Variants in RHBDD1 observed in about 807,000 individuals in gnomAD.
The protein encoded by RHBDD1 is rhomboid domain containing 1, also known as rhomboid-related protein 4.
In RHBDD1, 38 loss-of-function variants were observed where a neutral mutation model predicts 36.3. The ratio of observed to expected loss-of-function variants is 1.05; its 90% CI spans 0.81 to 1.37. The LOEUF is 1.37. Among genes scored for constraint, RHBDD1 ranks in the 40% most tolerant of loss-of-function variants. The pLI is 0.00. For synonymous variants in RHBDD1, 151 were observed against 136.5 expected, an observed-to-expected ratio of 1.11 and a Z score of -0.74; for missense variants, 393 against 377.6, an observed-to-expected ratio of 1.04 and a Z score of -0.34.
the RHBDD1 span, among the ~76,000 whole-genome samples, chr2:226,814,170 G>A: frequency 2.0e-5 from 3 of 152,130 alleles, no homozygotes; most frequent in South Asian, 2.1e-4. Flanking sequence ...ATGTGGACTC[G>A]AGTAAAGTGA....
chr2:226,866,748 T>C (rs1464720638), intron 4 of RHBDD1, among the ~76,000 whole-genome samples: 1 of 152,240 alleles, frequency 6.6e-6, no homozygotes, highest in Non-Finnish European at 1.5e-5. Flanking sequence ...CCTTCCAAGA[T>C]GTATCCTTAT....
At chr2:226,944,516 G>A (rs564786890) in intron 8 of RHBDD1, among the ~76,000 whole-genome samples, 1 of 152,256 alleles carries the variant, frequency 6.6e-6, no homozygotes, top group South Asian at 2.1e-4. Flanking sequence ...CGAGACTTGT[G>A]TTCTGAAAAG....
chr2:226,806,342 C>T, the RHBDD1 span, among the ~76,000 whole-genome samples: 1 of 150,744 alleles, frequency 6.6e-6, no homozygotes, highest in African/African-American at 2.4e-5. Context: ...TGTGTCCCAC[C>T]TCTGATCCTT....
At chr2:226,948,746 CCT>C (rs1951205209) in intron 8 of RHBDD1, among the ~76,000 whole-genome samples, 1 of 151,980 alleles carries the variant, frequency 6.6e-6, no homozygotes, top group South Asian at 2.1e-4. Flanking sequence ...ACAAGGTTGC[CCT>C]CTCTCACCAC....
chr2:226,869,216 G>A (rs1944583027), intron 5 of RHBDD1: 2 of 981,056 alleles, frequency 2.0e-6, no homozygotes, highest in African/African-American at 3.5e-5. Context: ...GGAGGCACCG[G>A]TAATTCTGAG....
chr2:226,954,548 A>C (rs1048058419), intron 8 of RHBDD1, among the ~76,000 whole-genome samples: 1 of 152,162 alleles, frequency 6.6e-6, no homozygotes, highest in African/African-American at 2.4e-5. Flanking sequence ...TGTTCTTTCA[A>C]CTTTTCATCT....
chr2:226,835,854 G>A (rs927114248), upstream of RHBDD1: 3 of 152,476 alleles, frequency 2.0e-5, no homozygotes, highest in African/African-American at 4.8e-5. Context: ...CTCTGCCGCG[G>A]TCCTGCCCCG....
chr2:226,811,081 T>C, the RHBDD1 span: 1 of 152,190 alleles, frequency 6.6e-6, no homozygotes, highest in Non-Finnish European at 1.5e-5. Context: ...GGTTTATTTG[T>C]TGATAACTGA....
At chr2:226,941,124 T>C (rs1454872318) in intron 8 of RHBDD1, among the ~76,000 whole-genome samples, 1 of 151,994 alleles carries the variant, frequency 6.6e-6, no homozygotes, top group Non-Finnish European at 1.5e-5. Flanking sequence ...GCTTTTTTGT[T>C]GTTGTTTGTT....
rs1234661700 is a variant in RHBDD1, at chr2:226,973,089, G to T, written c.857-22342G>T. Reference sequence around the variant, plus strand: ...CCTGTGGCTGCCATCCTTCCTCACAGAAGTTCCTCCCTGGACTTCAGCCTC... The same window carrying T: ...CCTGTGGCTGCCATCCTTCCTCACATAAGTTCCTCCCTGGACTTCAGCCTC... On this transcript the variant is annotated intron_variant, in intron 8 of 8. Transcript: ENST00000392062. 6.6e-5 allele frequency among the ~76,000 whole-genome samples: 10 copies of T among 152,180 alleles called. No individual in the cohort carries two copies. The East Asian group carries it at 1.7e-3, about 26-fold the overall frequency.
intron 8 of RHBDD1, among the ~76,000 whole-genome samples, chr2:226,918,431 ATT>A (rs1949074614): frequency 6.6e-6 from 1 of 151,886 alleles, no homozygotes. Context: ...CATTCTAATT[ATT>A]TTTTGTACCC....
At chr2:226,959,525 C>T (rs56103691) in intron 8 of RHBDD1, among the ~76,000 whole-genome samples, 1 of 152,164 alleles carries the variant, frequency 6.6e-6, no homozygotes, top group South Asian at 2.1e-4. Flanking sequence ...TTTTTGTTGT[C>T]TGAGTTAATT....
intron 8 of RHBDD1, among the ~76,000 whole-genome samples, chr2:226,922,975 T>C (rs980625680): frequency 3.3e-5 from 5 of 152,202 alleles, no homozygotes; most frequent in Admixed American, 3.3e-4. Flanking sequence ...TATTATACTG[T>C]TTACGTTTGA....
At chr2:226,851,618 G>A (rs1415773653) in intron 3 of RHBDD1, among the ~76,000 whole-genome samples, 3 of 151,820 alleles carry the variant, frequency 2.0e-5, no homozygotes, top group South Asian at 2.1e-4. Flanking sequence ...CCTGCACCTC[G>A]CTCACCACTA....
chr2:226,905,900 G>A (rs930719788), intron 5 of RHBDD1, among the ~76,000 whole-genome samples: 9 of 152,086 alleles, frequency 5.9e-5, no homozygotes, highest in African/African-American at 1.9e-4. Flanking sequence ...ATGTGTGCGC[G>A]GGGGTGTCTA....
At chr2:226,953,030 C>T (rs1951539164) in intron 8 of RHBDD1, among the ~76,000 whole-genome samples, 1 of 152,142 alleles carries the variant, frequency 6.6e-6, no homozygotes, top group South Asian at 2.1e-4. Flanking sequence ...CAACTTTCAT[C>T]ACATTCCAGT....
rs773134304 is a variant in RHBDD1, at chr2:226,865,020, C to T, written c.327C>T (p.Thr109=). The part of the protein sequence containing the change: ...LGSRWFAYVI[T]AFSVLTGVVY... ...GTAGATGGTTTGCCTATGTTATCAC[C>T]GCATTTTCTGTACTTACTGGAGTGG... The change falls in exon 4 of 9, where the codon ACC becomes ACT. Residue 109 remains threonine, a synonymous_variant. Transcript: ENST00000392062. The T allele has an allele frequency of 2.1e-5, 34 of 1,614,046 alleles. No homozygotes were observed. In the Admixed American group the frequency reaches 2.5e-4, roughly 12 times the overall value.
At chr2:226,987,922 C>T (rs1485581813) in intron 8 of RHBDD1, among the ~76,000 whole-genome samples, 4 of 152,160 alleles carry the variant, frequency 2.6e-5, no homozygotes, top group African/African-American at 9.7e-5. Flanking sequence ...TCTGTGCACA[C>T]TTCAGATTAA....
At position 226,927,906 on chromosome 2, in the gene RHBDD1, C is replaced by A. The variant is rs1293385067; in HGVS notation, c.856+13555C>A. 7.9e-5 allele frequency among the ~76,000 whole-genome samples: 12 copies of A among 152,080 alleles called. No individual in the cohort carries two copies. The East Asian group carries it at 2.3e-3, about 29-fold the overall frequency. On this transcript the variant is annotated intron_variant, in intron 8 of 8. Transcript: ENST00000392062. Reference sequence around the variant, plus strand: ...ATTTTCCCTGAGTCTGTGGCTTTTTCCCCCATTCTCTTAAAAGTATCTTTT... The same window carrying A: ...ATTTTCCCTGAGTCTGTGGCTTTTTACCCCATTCTCTTAAAAGTATCTTTT...
Sources: gnomAD v4.1 joint callset for allele counts (sites outside exome capture counted in the v4.1 genomes callset) on GRCh38, gnomAD v4.1.1 for gene constraint, MANE v1.5 for transcripts, NCBI Gene and HGNC (gene_info 2026-07-23, HGNC 2026-07-21) for gene names.